Variants in DENND1A observed in about 807,000 individuals in gnomAD.
DENND1A encodes DENN domain-containing protein 1A.
A neutral mutation model predicts 113.7 loss-of-function variants in DENND1A; 51 were observed. The ratio of observed to expected loss-of-function variants is 0.45; its 90% CI spans 0.36 to 0.57. The LOEUF (loss-of-function observed/expected upper bound fraction) is 0.57, where lower values mean the gene tolerates loss of function less well. Ranked by LOEUF, DENND1A falls within the 20% of genes least tolerant of loss-of-function variation. The probability of loss-of-function intolerance (pLI) is 0.00; values close to 1 mark genes in which losing one functional copy is unlikely to be tolerated. For synonymous variants in DENND1A, 565 were observed against 570.8 expected, an observed-to-expected ratio of 0.99 and a Z score of 0.14; for missense variants, 1,258 against 1,395.9, an observed-to-expected ratio of 0.90 and a Z score of 1.57.
At chr9:123,896,514 G>A (rs1365034525) in intron 1 of DENND1A, among the ~76,000 whole-genome samples, 1 of 152,054 alleles carries the variant, frequency 6.6e-6, no homozygotes, top group African/African-American at 2.4e-5. Flanking sequence ...AGAAAACCCT[G>A]GGGAAACAAG....
intron 2 of DENND1A, among the ~76,000 whole-genome samples, chr9:123,805,859 A>G (rs1835459843): frequency 6.6e-6 from 1 of 152,176 alleles, no homozygotes; most frequent in African/African-American, 2.4e-5. Flanking sequence ...ATCATTCCCA[A>G]CTGTGAATTT....
intron 5 of DENND1A, among the ~76,000 whole-genome samples, chr9:123,679,120 A>C (rs186087676): frequency 8.7e-4 from 133 of 152,372 alleles, no homozygotes; most frequent in Non-Finnish European, 3.4e-4. Context: ...AAGGGGAAGT[A>C]GAATCTTGCA....
At chr9:123,573,787 A>G (rs181547605) in intron 12 of DENND1A, among the ~76,000 whole-genome samples, 1 of 151,904 alleles carries the variant, frequency 6.6e-6, no homozygotes, top group Non-Finnish European at 1.5e-5. Flanking sequence ...AACTGGTGGG[A>G]ACCTCCAGTA....
At chr9:123,806,617 C>G (rs888964509) in intron 2 of DENND1A, among the ~76,000 whole-genome samples, 5 of 152,168 alleles carry the variant, frequency 3.3e-5, no homozygotes, top group African/African-American at 1.2e-4. Context: ...GACATCACAT[C>G]AGCACTCAGG....
At chr9:123,582,438 C>A (rs1400006352) in intron 12 of DENND1A, among the ~76,000 whole-genome samples, 1 of 150,838 alleles carries the variant, frequency 6.6e-6, no homozygotes, top group Admixed American at 6.6e-5. Context: ...CTTGCTCTGT[C>A]GCCCAGACTG....
At chr9:123,595,551 C>A (rs1476207855) in intron 11 of DENND1A, among the ~76,000 whole-genome samples, 1 of 152,102 alleles carries the variant, frequency 6.6e-6, no homozygotes, top group African/African-American at 2.4e-5. Context: ...CATTCCCACT[C>A]ACCCACCAGC....
intron 19 of DENND1A, among the ~76,000 whole-genome samples, chr9:123,420,750 A>G (rs10760287): frequency 1 from 151,598 of 151,988 alleles, 75,606 homozygotes; most frequent in Middle Eastern, 1. Context: ...TCCCGTGCAA[A>G]GAGCTCGGCT....
Position 123,516,255 on chromosome 9 carries a change from C to T in DENND1A, c.993+41315G>A, listed in dbSNP as rs779327778. Among the ~76,000 whole-genome samples the T allele has an allele frequency of 3.9e-4, 59 of 151,868 alleles. 1 individual carries two copies. Among genetic ancestry groups the T allele is most frequent in the Non-Finnish European group, 1.2e-4 (8 of 68,008 alleles). On this transcript the variant is annotated intron_variant, in intron 13 of 23. Transcript: ENST00000394215. Reference sequence around the variant, plus strand: ...GTGATGGGTACATGGGGGGTGTGTACTCTGTACTTTTGCGTGTATTTGGGC... The same window carrying T: ...GTGATGGGTACATGGGGGGTGTGTATTCTGTACTTTTGCGTGTATTTGGGC...
intron 21 of DENND1A, among the ~76,000 whole-genome samples, chr9:123,398,604 C>T (rs540102058): frequency 1.3e-5 from 2 of 152,046 alleles, no homozygotes; most frequent in South Asian, 4.2e-4. Flanking sequence ...GTCTTGATCT[C>T]CTGACCTCGT....
At chr9:123,853,494 T>C (rs991726754) in intron 2 of DENND1A, among the ~76,000 whole-genome samples, 4 of 151,620 alleles carry the variant, frequency 2.6e-5, no homozygotes, top group Admixed American at 2.0e-4. Flanking sequence ...TAAAACCCCA[T>C]CTCTACTAAA....
intron 5 of DENND1A, among the ~76,000 whole-genome samples, chr9:123,718,971 G>T (rs34466730): frequency 6.6e-6 from 1 of 152,060 alleles, no homozygotes. Flanking sequence ...TACTGTTCTC[G>T]TGGTAGTGAA....
chr9:123,383,967 C>A, intron 22 of DENND1A, 54 bp from the exon 23 acceptor site: 2 of 1,568,690 alleles, frequency 1.3e-6, no homozygotes, highest in South Asian at 1.2e-5. Flanking sequence ...AGGGGAGGAG[C>A]AAGCGGACTC....
intron 5 of DENND1A, among the ~76,000 whole-genome samples, chr9:123,712,443 C>T (rs2066694830): frequency 1.3e-5 from 2 of 152,240 alleles, no homozygotes; most frequent in Admixed American, 1.3e-4. Flanking sequence ...CCTCTTTGTG[C>T]TCCTGTTCAT....
chr9:123,416,712 C>T (rs1380763382), intron 19 of DENND1A, among the ~76,000 whole-genome samples: 6 of 152,206 alleles, frequency 3.9e-5, no homozygotes, highest in East Asian at 1.9e-4. Flanking sequence ...GGGAGAAGGC[C>T]GGAGTTTTCT....
intron 5 of DENND1A, among the ~76,000 whole-genome samples, chr9:123,716,020 G>A (rs2066955512): frequency 6.6e-6 from 1 of 152,148 alleles, no homozygotes; most frequent in Non-Finnish European, 1.5e-5. Context: ...TTAACAGCAT[G>A]ACTTGTGCTG....
chr9:123,733,663 G>T (rs1589854252), intron 5 of DENND1A, among the ~76,000 whole-genome samples: 1 of 145,744 alleles, frequency 6.9e-6, no homozygotes, highest in African/African-American at 2.6e-5. Context: ...TCATATTCTT[G>T]TTGGTTATTT....
intron 12 of DENND1A, among the ~76,000 whole-genome samples, chr9:123,563,288 C>T (rs979791478): frequency 2.6e-5 from 4 of 152,144 alleles, no homozygotes; most frequent in Non-Finnish European, 4.4e-5. Context: ...GACCGTGTAC[C>T]CCTGTTCCTC....
At chr9:123,499,220 G>A (rs530347743) in intron 13 of DENND1A, among the ~76,000 whole-genome samples, 198 of 152,082 alleles carry the variant, frequency 1.3e-3, no homozygotes, top group African/African-American at 4.3e-3. Context: ...TTTTAGTAGA[G>A]AGGGGGTTTC....
At chr9:123,923,737 T>C (rs1856657804) in intron 1 of DENND1A, among the ~76,000 whole-genome samples, 1 of 152,160 alleles carries the variant, frequency 6.6e-6, no homozygotes, top group African/African-American at 2.4e-5. Context: ...TTCTTTCAGT[T>C]CAAGTTCCAA....
Sources: allele counts gnomAD v4.1 joint callset (sites outside exome capture counted in the v4.1 genomes callset), GRCh38; gene constraint gnomAD v4.1.1; transcripts MANE v1.5; gene names NCBI Gene and HGNC (gene_info 2026-07-23, HGNC 2026-07-21).